LGI4: variants seen among roughly 807,000 people sequenced by gnomAD.
LGI4 encodes leucine rich repeat LGI family member 4.
Under a neutral mutation model 48.3 loss-of-function variants are expected in LGI4, and 36 were observed. The ratio of observed to expected loss-of-function variants is 0.75; its 90% CI spans 0.57 to 0.98. The LOEUF is 0.98. Ranked by LOEUF, LGI4 falls within the 50% of genes least tolerant of loss-of-function variation. The probability of loss-of-function intolerance (pLI) is 0.00; values close to 1 mark genes in which losing one functional copy is unlikely to be tolerated. For synonymous variants in LGI4, 355 were observed against 331.6 expected, an observed-to-expected ratio of 1.07 and a Z score of -0.77; for missense variants, 701 against 732.1, an observed-to-expected ratio of 0.96 and a Z score of 0.49.
At chr19:35,128,925 C>T (rs2145363363) in intron 6 of LGI4, among the ~76,000 whole-genome samples, 1 of 152,298 alleles carries the variant, frequency 6.6e-6, no homozygotes, top group Non-Finnish European at 1.5e-5. Flanking sequence ...GAGCCCTTCC[C>T]TCTGTTCCTC....
chr19:35,126,886 G>C lies in LGI4; in HGVS notation c.760C>G (p.Leu254Val), dbSNP rs2065143359. 5 of 1,613,358 alleles carry C rather than the reference G, an allele frequency of 3.1e-6. No homozygotes were observed. Among genetic ancestry groups the C allele is most frequent in the Non-Finnish European group, 4.2e-6 (5 of 1,179,872 alleles). Residue 254 changes from leucine (L) to valine (V), a missense_variant, in exon 7 of 9, where the codon CTG becomes GTG. By Grantham distance (32) the Leu-to-Val change is conservative. This residue lies in a region of LGI4 where 462 missense variants were observed against 436.4 expected (regional missense o/e 1.06). Transcript: ENST00000310123. ...RCLILSWDYS[L>V]QRFRPEEELP... ...TCTTCCTCGGGCCGGAAGCGCTGCA[G>C]GCTGTAGTCCCAGGAGAGAATCAGG...
intron 5 of LGI4, 60 bp downstream of exon 5, chr19:35,131,729 G>GC: frequency 1.4e-6 from 2 of 1,428,410 alleles, no homozygotes; most frequent in Non-Finnish European, 9.6e-7. Context: ...GGGCACGGAT[G>GC]CCCCCCGCCG....
rs1427571262 is a variant in LGI4, at chr19:35,134,635, C to T, written c.46G>A (p.Val16Met). 4 of 1,556,856 alleles carry T rather than the reference C, an allele frequency of 2.6e-6. No homozygotes were observed. Among genetic ancestry groups the T allele is most frequent in the Non-Finnish European group, 3.5e-6 (4 of 1,146,150 alleles). The change falls in exon 1 of 9, where the codon GTG becomes ATG. Residue 16 changes from valine to methionine, a missense_variant. By Grantham distance (21) the Val-to-Met change is conservative. Around this residue, in one of 3 missense-constraint regions of LGI4, gnomAD observed 462 missense variants for 436.4 expected, o/e 1.06. Coordinates refer to ENST00000310123, the MANE Select transcript of LGI4 (RefSeq NM_139284.3). ...TTTGGGGGTCTCCAGGCCACCACCA[C>T]CCCCGCCCCAGCCAGCAGCAGCAGC... is the stretch of plus-strand genomic sequence containing the variant. ...ILLLLLAGAG[V>M]VVAWRPPKGK...
chr19:35,131,702 G>T, intron 5 of LGI4, 87 bp downstream of exon 5: 1 of 1,393,742 alleles, frequency 7.2e-7, no homozygotes, highest in Non-Finnish European at 9.9e-7. Context: ...CCAAATGCAT[G>T]CACGCCAACC....
chr19:35,125,253 A>G lies in LGI4; in HGVS notation c.1554T>C (p.Ala518=). ...ITMAGRRFLF[A]ACFKGPTQIY... ...TCTGTGTGGGGCCCTTAAAGCAAGC[A>G]GCAAAGAGGAAGCGTCTGCCGGCCA... Residue 518 remains alanine, a synonymous_variant, in exon 9 of 9, where the codon GCT becomes GCC. Coordinates refer to ENST00000310123, the MANE Select transcript of LGI4 (RefSeq NM_139284.3). 2 of 1,590,830 alleles carry G rather than the reference A, an allele frequency of 1.3e-6. No individual in the cohort carries two copies. The highest frequency in any genetic ancestry group is 1.7e-6 in the Non-Finnish European group (2 of 1,167,024).
At chr19:35,132,128 C>T in intron 3 of LGI4, 86 bp from the exon 4 acceptor site, 1 of 1,103,376 alleles carries the variant, frequency 9.1e-7, no homozygotes. Flanking sequence ...CTGGAAGGTG[C>T]TGAATTCTCT....
In LGI4 at chr19:35,134,874, C is replaced by G; in HGVS notation, c.-194G>C. On this transcript the variant is annotated 5_prime_UTR_variant, in exon 1 of 9. Transcript: ENST00000310123. ...TCGTATGTCTTTGGTGTCTAATTTT[C>G]TGTTTCTCTTTCTCCCTGTCTTTCT... 1.9e-6 allele frequency: 1 copy of G among 512,890 alleles called. No homozygotes were observed. The highest frequency in any genetic ancestry group is 3.0e-5 in the South Asian group (1 of 33,306). 31.8% of individuals were successfully genotyped at this position (512,890 alleles called of 1,614,324 possible).
intron 3 of LGI4, among the ~76,000 whole-genome samples, chr19:35,132,752 T>C (rs1251242704): frequency 6.6e-6 from 1 of 152,016 alleles, no homozygotes; most frequent in Non-Finnish European, 1.5e-5. Context: ...ACCAAAAAGA[T>C]TGCCACCCGC....
At position 35,134,766 on chromosome 19, in the gene LGI4, C is replaced by CTGCTACGTCTCCT. The variant is rs1482806783; in HGVS notation, c.-87_-86insAGGAGACGTAGCA. ...CTACGTCTCCTCCTCCACCAGGCCG[C>CTGCTACGTCTCCT]CCTCCATCCGCCTGCTGGCACGCTC... is the stretch of plus-strand genomic sequence containing the variant. On this transcript the variant is annotated 5_prime_UTR_variant, in exon 1 of 9. It introduces an in-frame stop codon into an upstream open reading frame of the 5' UTR. Coordinates refer to ENST00000310123, the MANE Select transcript of LGI4 (RefSeq NM_139284.3). The CTGCTACGTCTCCT allele has an allele frequency of 4.3e-6, 3 of 692,102 alleles. No homozygotes were observed. Among genetic ancestry groups the CTGCTACGTCTCCT allele is most frequent in the African/African-American group, 1.8e-5 (1 of 54,464 alleles). The allele number at this position is 692,102 out of a possible 1,614,324, so 42.9% of individuals were successfully genotyped here.
At chr19:35,133,932 A>G in intron 2 of LGI4, 101 bp downstream of exon 2, 1 of 1,350,616 alleles carries the variant, frequency 7.4e-7, no homozygotes, top group Non-Finnish European at 1.0e-6. Context: ...ACACACGTGC[A>G]TCAATGCCCA....
chr19:35,131,285 A>G (rs1321892005), intron 6 of LGI4, 101 bp downstream of exon 6: 32 of 1,435,786 alleles, frequency 2.2e-5, no homozygotes, highest in Non-Finnish European at 2.8e-5. Context: ...GGGTCTTCCC[A>G]CTCCGGGAAA....
intron 6 of LGI4, chr19:35,131,057 G>C: frequency 1.7e-6 from 1 of 590,856 alleles, no homozygotes; most frequent in South Asian, 2.0e-5. Context: ...GCAGTTCTTA[G>C]CGCAATACTT....
rs756145620 is a variant in LGI4 at position 35,126,790 on chromosome 19, G to T, written c.794-15C>A. ...CACGGAGGCCGCTGTGGGGAGGTGG[G>T]GAGGCAGGTCAGGCCAGCCAGGCAG... On this transcript the variant is annotated splice_polypyrimidine_tract_variant and intron_variant, in intron 7 of 8. Transcript: ENST00000310123. 1.3e-6 allele frequency: 2 copies of T among 1,570,628 alleles called. No individual in the cohort carries two copies. The highest frequency in any genetic ancestry group is 2.3e-5 in the South Asian group (2 of 87,402).
intron 8 of LGI4, chr19:35,125,935 A>G (rs1055938875): frequency 3.8e-6 from 2 of 525,858 alleles, no homozygotes; most frequent in Non-Finnish European, 7.1e-6. Context: ...ACCTCACTCC[A>G]GAAACAGTGG....
chr19:35,126,155 G>C, intron 8 of LGI4, 115 bp downstream of exon 8: 1 of 1,172,918 alleles, frequency 8.5e-7, no homozygotes, highest in Non-Finnish European at 1.2e-6. Flanking sequence ...TCAGTGTGGG[G>C]TGGGGTCCTG....
At chr19:35,126,091 G>T in intron 8 of LGI4, 179 bp downstream of exon 8, 1 of 651,872 alleles carries the variant, frequency 1.5e-6, no homozygotes, top group Non-Finnish European at 2.7e-6. Flanking sequence ...TCAGTGTCGG[G>T]GACTGGGGAG....
In LGI4 at chr19:35,134,681, G is replaced by A; in HGVS notation, c.-1C>T. On this transcript the variant is annotated 5_prime_UTR_variant, in exon 1 of 9. Transcript: ENST00000310123. ...GCAGCAGAATGCCTGCCCCTCCCAT[G>A]CCCCCACCCCCACTCTGAGGCACCC... 1 of 1,237,590 alleles carries A rather than the reference G, an allele frequency of 8.1e-7. No homozygotes were observed. Among genetic ancestry groups the A allele is most frequent in the Non-Finnish European group, 1.1e-6 (1 of 917,312 alleles). 76.7% of individuals were successfully genotyped at this position (1,237,590 alleles called of 1,614,324 possible). A position where few individuals can be genotyped will look rare whatever the true frequency, so the allele number is the denominator to read the frequency against.
chr19:35,126,895 C>G lies in LGI4; in HGVS notation c.751G>C (p.Asp251His). Residue 251 changes from aspartate (D) to histidine (H), a missense_variant, in exon 7 of 9, where the codon GAC (aspartate) becomes CAC (histidine). This residue lies in a region of LGI4 where 462 missense variants were observed against 436.4 expected (regional missense o/e 1.06). Coordinates refer to ENST00000310123, the MANE Select transcript of LGI4 (RefSeq NM_139284.3). Reference protein sequence around the residue: ...FAGRCLILSWDYSLQRFRPEE... With the variant: ...FAGRCLILSWHYSLQRFRPEE... ...GGCCGGAAGCGCTGCAGGCTGTAGT[C>G]CCAGGAGAGAATCAGGCAGCGGCCG... The G allele has an allele frequency of 1.2e-6, 2 of 1,613,536 alleles. No individual in the cohort carries two copies. Among genetic ancestry groups the G allele is most frequent in the Non-Finnish European group, 1.7e-6 (2 of 1,179,902 alleles).
At chr19:35,128,306 C>T (rs905080511) in intron 6 of LGI4, among the ~76,000 whole-genome samples, 7 of 152,220 alleles carry the variant, frequency 4.6e-5, no homozygotes, top group East Asian at 1.9e-4. Flanking sequence ...TTTCACTCTG[C>T]GTGCCAGGCC....
Sources: gnomAD v4.1 joint callset for allele counts (sites outside exome capture counted in the v4.1 genomes callset) on GRCh38, gnomAD v4.1.1 for gene constraint, gnomAD v4.1.1 regional missense constraint, MANE v1.5 for transcripts, NCBI Gene and HGNC (gene_info 2026-07-23, HGNC 2026-07-21) for gene names.